BABAM2: variants seen among roughly 807,000 people sequenced by gnomAD.
The protein encoded by BABAM2 is BRISC and BRCA1-A complex member 2.
Under a neutral mutation model 54.7 loss-of-function variants are expected in BABAM2, and 31 were observed. The ratio of observed to expected loss-of-function variants is 0.57; its 90% CI spans 0.43 to 0.77. The LOEUF (loss-of-function observed/expected upper bound fraction) is 0.77. Among genes scored for constraint, BABAM2 ranks in the 30% least tolerant of loss-of-function variants. The pLI, the probability that BABAM2 is intolerant of heterozygous loss-of-function variation, is 0.00. For synonymous variants in BABAM2, 167 were observed against 162.9 expected (o/e 1.03, Z -0.19); for missense variants, 364 against 455.8 (o/e 0.80, Z 1.83).
intron 3 of BABAM2, among the ~76,000 whole-genome samples, chr2:27,957,865 T>G (rs1670200550): frequency 6.6e-6 from 1 of 152,208 alleles, no homozygotes; most frequent in Non-Finnish European, 1.5e-5. Flanking sequence ...GGCTTTCATC[T>G]TACTCTAGCA....
At chr2:28,032,483 A>T (rs1676369334) in intron 5 of BABAM2, among the ~76,000 whole-genome samples, 1 of 152,094 alleles carries the variant, frequency 6.6e-6, no homozygotes, top group African/African-American at 2.4e-5. Context: ...GCAAGCACAC[A>T]TTTGAAAGTA....
intron 11 of BABAM2, among the ~76,000 whole-genome samples, chr2:28,324,926 A>T (rs780140664): frequency 7.9e-5 from 12 of 152,236 alleles, no homozygotes; most frequent in Non-Finnish European, 1.2e-4. Flanking sequence ...AATAATACAC[A>T]TGAAAATAAG....
chr2:27,965,579 A>G (rs970398471), intron 3 of BABAM2, among the ~76,000 whole-genome samples: 1 of 152,188 alleles, frequency 6.6e-6, no homozygotes, highest in Admixed American at 6.5e-5. Flanking sequence ...TATCATTGAC[A>G]CACTTTAAAA....
chr2:28,257,574 C>G (rs1684076999), intron 10 of BABAM2, among the ~76,000 whole-genome samples: 1 of 151,768 alleles, frequency 6.6e-6, no homozygotes, highest in South Asian at 2.1e-4. Context: ...TATTTGTTTC[C>G]AAGTTTTAGT....
intron 7 of BABAM2, among the ~76,000 whole-genome samples, chr2:28,227,053 G>C (rs1051185380): frequency 6.6e-6 from 1 of 152,126 alleles, no homozygotes; most frequent in Non-Finnish European, 1.5e-5. Flanking sequence ...AAAGGCCTGA[G>C]CCAGACAGAT....
chr2:28,293,721 A>G (rs868673967), intron 10 of BABAM2, among the ~76,000 whole-genome samples: 65 of 152,234 alleles, frequency 4.3e-4, no homozygotes, highest in African/African-American at 1.4e-3. Flanking sequence ...AGAATGCTTC[A>G]GAAATAGTTA....
intron 3 of BABAM2, among the ~76,000 whole-genome samples, chr2:27,944,448 GC>G (rs1669147308): frequency 6.6e-6 from 1 of 152,004 alleles, no homozygotes; most frequent in African/African-American, 2.4e-5. Context: ...AAACAGTTTT[GC>G]CTGTTTAGAA....
intron 4 of BABAM2, among the ~76,000 whole-genome samples, chr2:28,005,250 A>G (rs538011981): frequency 1.3e-5 from 2 of 152,282 alleles, no homozygotes; most frequent in South Asian, 4.1e-4. Context: ...AGACAACCTT[A>G]GCTGTGTTTT....
At chr2:28,205,971 G>C (rs537634318) in intron 7 of BABAM2, among the ~76,000 whole-genome samples, 2 of 151,924 alleles carry the variant, frequency 1.3e-5, no homozygotes, top group East Asian at 3.9e-4. Flanking sequence ...AAATTTTTCC[G>C]TGGAAAAATC....
chr2:27,958,260 G>C (rs1670229634), intron 3 of BABAM2, among the ~76,000 whole-genome samples: 1 of 152,068 alleles, frequency 6.6e-6, no homozygotes, highest in African/African-American at 2.4e-5. Flanking sequence ...TGAAGAATAG[G>C]AGTGGACAAG....
At chr2:27,934,543 A>C (rs1290710178) in intron 3 of BABAM2, among the ~76,000 whole-genome samples, 1 of 152,196 alleles carries the variant, frequency 6.6e-6, no homozygotes, top group Non-Finnish European at 1.5e-5. Context: ...CACACCTCTC[A>C]CTTTAAATCA....
At chr2:27,940,150 A>G (rs1351364881) in intron 3 of BABAM2, among the ~76,000 whole-genome samples, 1 of 152,230 alleles carries the variant, frequency 6.6e-6, no homozygotes, top group Non-Finnish European at 1.5e-5. Context: ...ATCTTCAGTG[A>G]TCAAGATTGA....
rs143915044 is a variant in BABAM2, at chr2:28,017,232, G to A, written c.301-7994G>A. ...AAACACTTATTGCTGATAATACTTGGTCCTCTTACAAATAGGTCAATAGCA... is the reference window on the plus strand; with the variant it reads ...AAACACTTATTGCTGATAATACTTGATCCTCTTACAAATAGGTCAATAGCA... On this transcript the variant is annotated intron_variant, in intron 4 of 11. Transcript: ENST00000379624. Among the ~76,000 whole-genome samples, 855 of 152,256 alleles carry A rather than the reference G, an allele frequency of 5.6e-3. 5 individuals are homozygous for A. The highest frequency in any genetic ancestry group is 9.3e-3 in the Non-Finnish European group (635 of 68,012).
intron 2 of BABAM2, among the ~76,000 whole-genome samples, chr2:27,908,083 A>G (rs1666314858): frequency 6.6e-6 from 1 of 152,092 alleles, no homozygotes; most frequent in South Asian, 2.1e-4. Context: ...TTTTTTGAGG[A>G]ACCGCTATAC....
chr2:27,921,165 A>G (rs925071003), intron 2 of BABAM2, among the ~76,000 whole-genome samples: 1 of 152,156 alleles, frequency 6.6e-6, no homozygotes. Flanking sequence ...AAATCAGTGA[A>G]CAGTGTCATC....
At chr2:28,196,720 G>A (rs1251020325) in intron 7 of BABAM2, among the ~76,000 whole-genome samples, 1 of 151,566 alleles carries the variant, frequency 6.6e-6, no homozygotes, top group Non-Finnish European at 1.5e-5. Context: ...ATGATGGCTT[G>A]TGCCTGTAGT....
At chr2:28,307,812 A>G (rs561321214) in intron 11 of BABAM2, 1 of 146,454 alleles carries the variant, frequency 6.8e-6, no homozygotes. Context: ...CATTTCCTCT[A>G]AAAAAAAAAC....
chr2:28,209,789 C>A lies in BABAM2; in HGVS notation c.681-27413C>A, dbSNP rs190236481. On this transcript the variant is annotated intron_variant, in intron 7 of 11. Transcript: ENST00000379624. ...ATTTTGTTGATCAAGCTATAGAATT[C>A]AATCCTAGGGATTGAGATATAGACA... Among the ~76,000 whole-genome samples the A allele has an allele frequency of 3.3e-5, 5 of 152,264 alleles. No individual in the cohort carries two copies. The East Asian group carries it at 9.7e-4, about 29-fold the overall frequency.
In BABAM2 at chr2:28,304,642, T is replaced by A. The variant is rs1247046135; in HGVS notation, c.1088+6151T>A. Among the ~76,000 whole-genome samples, 3 of 152,136 alleles carry A rather than the reference T, an allele frequency of 2.0e-5. No individual in the cohort carries two copies. The highest frequency in any genetic ancestry group is 4.4e-5 in the Non-Finnish European group (3 of 68,028). On this transcript the variant is annotated intron_variant, in intron 11 of 11. Transcript: ENST00000379624. This position sits in a 1 kb window ranked among gnomAD's most constrained non-coding sequence, Gnocchi z 4.0. ...CCCAGGCTGGAATGCAGTGGCATTA[T>A]CTTGGCTCACTGCAACCTCACCTCC... is the stretch of plus-strand genomic sequence containing the variant.
Sources: gnomAD v4.1 joint callset for allele counts (sites outside exome capture counted in the v4.1 genomes callset) on GRCh38, gnomAD v4.1.1 for gene constraint, Gnocchi (gnomAD v3.1) non-coding constraint, MANE v1.5 for transcripts, NCBI Gene and HGNC (gene_info 2026-07-23, HGNC 2026-07-21) for gene names.